Variants in ESRRG observed in about 807,000 individuals in gnomAD.
ESRRG encodes the protein estrogen-related receptor gamma.
A neutral mutation model predicts 44.0 loss-of-function variants in ESRRG; 13 were observed. That is an observed-to-expected ratio of 0.30 (90% CI 0.19 to 0.47). ESRRG has a LOEUF of 0.47. Among genes scored for constraint, ESRRG ranks in the 20% least tolerant of loss-of-function variants. ESRRG has a pLI of 1.00. For synonymous variants in ESRRG, 215 were observed against 214.6 expected, an observed-to-expected ratio of 1.00 and a Z score of -0.02; for missense variants, 395 against 580.6, an observed-to-expected ratio of 0.68 and a Z score of 3.29.
intron 1 of ESRRG, chr1:216,707,208 T>C (rs754268194): frequency 6.5e-5 from 50 of 766,806 alleles, no homozygotes; most frequent in Non-Finnish European, 4.2e-5. Context: ...CTGGGAAATA[T>C]ACTGTCTTAC....
chr1:216,697,370 A>G (rs763459635), intron 1 of ESRRG, among the ~76,000 whole-genome samples: 3 of 152,234 alleles, frequency 2.0e-5, no homozygotes, highest in Non-Finnish European at 2.9e-5. Context: ...AAGTTATTCA[A>G]TTTGTGAGAT....
At chr1:217,044,706 A>T (rs2084529146) in intron 1 of ESRRG, among the ~76,000 whole-genome samples, 1 of 152,228 alleles carries the variant, frequency 6.6e-6, no homozygotes, top group African/African-American at 2.4e-5. Context: ...GAAAAAAACC[A>T]GCTCTGCAGG....
intron 2 of ESRRG, among the ~76,000 whole-genome samples, chr1:216,902,855 G>A (rs6674792): frequency 0.016 from 2,466 of 152,286 alleles, 30 homozygotes; most frequent in Non-Finnish European, 0.023. Flanking sequence ...TTTAGTGGCA[G>A]TTCTTTACTG....
At chr1:217,027,020 C>T (rs1443879117) in intron 1 of ESRRG, among the ~76,000 whole-genome samples, 1 of 150,622 alleles carries the variant, frequency 6.6e-6, no homozygotes, top group East Asian at 2.0e-4. Context: ...ACTCCTTTTC[C>T]TTCAAGGTTT....
At chr1:217,131,455 G>A (rs2092965134) in intron 1 of ESRRG, among the ~76,000 whole-genome samples, 2 of 152,184 alleles carry the variant, frequency 1.3e-5, no homozygotes, top group Non-Finnish European at 2.9e-5. Context: ...ACTACCTGGA[G>A]AATTGAAGAG....
intron 1 of ESRRG, among the ~76,000 whole-genome samples, chr1:216,988,898 G>A (rs2075271903): frequency 6.6e-6 from 1 of 152,082 alleles, no homozygotes; most frequent in Non-Finnish European, 1.5e-5. Flanking sequence ...AAAATGAAAG[G>A]GCCTCATGTT....
intron 3 of ESRRG, among the ~76,000 whole-genome samples, chr1:216,591,245 A>T (rs1240567515): frequency 6.6e-6 from 1 of 152,186 alleles, no homozygotes; most frequent in African/African-American, 2.4e-5. Flanking sequence ...CCATGATTTA[A>T]TCATTCATGC....
chr1:216,836,571 C>T (rs1359473194), intron 2 of ESRRG, among the ~76,000 whole-genome samples: 7 of 152,170 alleles, frequency 4.6e-5, no homozygotes, highest in Non-Finnish European at 8.8e-5. Context: ...GCCAGGAAAA[C>T]AGGTGATCTC....
intron 2 of ESRRG, among the ~76,000 whole-genome samples, chr1:216,834,054 A>G (rs534317591): frequency 4.0e-4 from 61 of 152,322 alleles, no homozygotes; most frequent in Middle Eastern, 3.4e-3. Flanking sequence ...GAAACATTGT[A>G]CAGTTCACAC....
At chr1:217,065,616 T>G (rs775007338) in intron 1 of ESRRG, among the ~76,000 whole-genome samples, 10 of 152,114 alleles carry the variant, frequency 6.6e-5, no homozygotes, top group Non-Finnish European at 1.3e-4. Flanking sequence ...CACTTCATAT[T>G]TACAAGACTG....
chr1:216,523,846 C>CAAA (rs145462321), intron 5 of ESRRG, among the ~76,000 whole-genome samples: 40 of 127,414 alleles, frequency 3.1e-4, no homozygotes, highest in African/African-American at 1.0e-3. Flanking sequence ...TTCTGTTCCA[C>CAAA]AAAAAAAAAA....
intron 1 of ESRRG, among the ~76,000 whole-genome samples, chr1:216,695,286 CAT>C (rs2079913742): frequency 1.3e-5 from 2 of 151,970 alleles, no homozygotes; most frequent in Non-Finnish European, 2.9e-5. Flanking sequence ...ACAAAAATCT[CAT>C]ATGTGATAAA....
intron 2 of ESRRG, among the ~76,000 whole-genome samples, chr1:216,756,688 A>G (rs11572646): frequency 0.022 from 3,378 of 152,178 alleles, 56 homozygotes; most frequent in Non-Finnish European, 0.031. Context: ...TAAAGAGGCC[A>G]GTATTTACTT....
chr1:216,829,496 T>C (rs909508063), intron 2 of ESRRG, among the ~76,000 whole-genome samples: 1 of 151,752 alleles, frequency 6.6e-6, no homozygotes, highest in African/African-American at 2.4e-5. Flanking sequence ...CTGTAGATAG[T>C]AAGGGCAAAA....
chr1:216,715,002 G>A, intron 1 of ESRRG: 1 of 786,062 alleles, frequency 1.3e-6, no homozygotes, highest in Non-Finnish European at 1.5e-6. Context: ...TGCATAAATT[G>A]TCCATTTGTT....
chr1:216,662,626 T>TGGGG (rs367919143), intron 2 of ESRRG, among the ~76,000 whole-genome samples: 2 of 150,878 alleles, frequency 1.3e-5, no homozygotes, highest in African/African-American at 4.9e-5. Context: ...GCAGGGAGAG[T>TGGGG]GGGGGGGTTC....
chr1:217,114,680 T>C (rs2092700589), intron 1 of ESRRG, among the ~76,000 whole-genome samples: 1 of 148,628 alleles, frequency 6.7e-6, no homozygotes, highest in Non-Finnish European at 1.5e-5. Context: ...TTTTTTTTTT[T>C]TTTTTTTTGA....
intron 2 of ESRRG, among the ~76,000 whole-genome samples, chr1:216,655,851 A>C (rs2151129643): frequency 6.6e-6 from 1 of 152,302 alleles, no homozygotes; most frequent in African/African-American, 2.4e-5. Flanking sequence ...CCCACCCAAC[A>C]AAGTCTTTGA....
chr1:216,519,860 A>T (rs2045573341), intron 5 of ESRRG, among the ~76,000 whole-genome samples: 1 of 151,928 alleles, frequency 6.6e-6, no homozygotes, highest in South Asian at 2.1e-4. Flanking sequence ...GCAGCTAAAA[A>T]TAAAAGGTAA....
Sources: gnomAD v4.1 joint callset for allele counts (sites outside exome capture counted in the v4.1 genomes callset) on GRCh38, gnomAD v4.1.1 for gene constraint, MANE v1.5 for transcripts, NCBI Gene and HGNC (gene_info 2026-07-23, HGNC 2026-07-21) for gene names.